The following AGBL4 variants were observed in gnomAD, a reference collection of about 807,000 sequenced individuals.
The protein encoded by AGBL4 is AGBL carboxypeptidase 4, also known as cytosolic carboxypeptidase 6.
A neutral mutation model predicts 66.4 loss-of-function variants in AGBL4; 58 were observed. That is an observed-to-expected ratio of 0.87 (90% confidence interval 0.71 to 1.09). The LOEUF (loss-of-function observed/expected upper bound fraction) is 1.09. AGBL4 is among the 50% of genes least tolerant of loss of function. AGBL4 has a pLI of 0.00. For missense variants in AGBL4, 579 were observed against 631.0 expected (o/e 0.92, Z 0.88); for synonymous variants, 234 against 222.9 (o/e 1.05, Z -0.44).
intron 3 of AGBL4, among the ~76,000 whole-genome samples, chr1:49,405,474 G>A (rs1415276027): frequency 1.3e-5 from 2 of 152,110 alleles, no homozygotes; most frequent in Non-Finnish European, 2.9e-5. Flanking sequence ...CTCATGATAA[G>A]TATTCAATAT....
intron 3 of AGBL4, among the ~76,000 whole-genome samples, chr1:49,648,669 T>G (rs2124437274): frequency 6.6e-6 from 1 of 151,986 alleles, no homozygotes; most frequent in African/African-American, 2.4e-5. Flanking sequence ...TACAACCAAC[T>G]TCTCTCCAGA....
At position 48,592,182 on chromosome 1, in the gene AGBL4, C is replaced by T. The variant is rs185077449; in HGVS notation, c.952-1197G>A. Among the ~76,000 whole-genome samples the T allele has an allele frequency of 2.7e-3, 406 of 152,308 alleles. 1 individual carries two copies. The highest frequency in any genetic ancestry group is 6.8e-3 in the Middle Eastern group (2 of 294). On this transcript the variant is annotated intron_variant, in intron 9 of 13. Transcript: ENST00000371839. Reference sequence around the variant, plus strand: ...GAATAACGGGGACTGACACTCAGGCCTCCTGCCCCCTTGCACAATTAACTT... The same window carrying T: ...GAATAACGGGGACTGACACTCAGGCTTCCTGCCCCCTTGCACAATTAACTT...
At chr1:49,068,156 C>A (rs1186651815) in intron 4 of AGBL4, among the ~76,000 whole-genome samples, 2 of 152,120 alleles carry the variant, frequency 1.3e-5, no homozygotes, top group Non-Finnish European at 2.9e-5. Context: ...AGACTAGTAG[C>A]AATGATTTTT....
chr1:49,042,645 G>A (rs761999052), intron 5 of AGBL4, among the ~76,000 whole-genome samples: 11 of 152,118 alleles, frequency 7.2e-5, no homozygotes, highest in Non-Finnish European at 1.3e-4. Context: ...ACATCCCAAG[G>A]ATGACAGAGA....
At chr1:49,344,961 G>A (rs943266123) in intron 3 of AGBL4, among the ~76,000 whole-genome samples, 1 of 152,010 alleles carries the variant, frequency 6.6e-6, no homozygotes, top group African/African-American at 2.4e-5. Context: ...TGGTGATCTG[G>A]GATTCTCTTT....
intron 8 of AGBL4, among the ~76,000 whole-genome samples, chr1:48,646,807 C>T (rs1487527705): frequency 6.6e-6 from 1 of 152,068 alleles, no homozygotes; most frequent in African/African-American, 2.4e-5. Context: ...GTGCTTCAAC[C>T]TCCCCCTCTA....
chr1:49,105,225 G>A (rs1235439883), intron 4 of AGBL4, among the ~76,000 whole-genome samples: 1 of 152,176 alleles, frequency 6.6e-6, no homozygotes, highest in African/African-American at 2.4e-5. Flanking sequence ...GATAGAGAGG[G>A]CGCAGTGAAA....
chr1:48,622,816 AT>A (rs895532084), intron 9 of AGBL4, among the ~76,000 whole-genome samples: 2 of 152,130 alleles, frequency 1.3e-5, no homozygotes, highest in African/African-American at 2.4e-5. Flanking sequence ...TAATAGTTAA[AT>A]TTTTTTGAGA....
rs1248097520 is a variant in AGBL4, at chr1:49,245,789, A to G, written c.358T>C (p.Ser120Pro). 3 of 1,549,494 alleles carry G rather than the reference A, an allele frequency of 1.9e-6. No individual in the cohort carries two copies. Among genetic ancestry groups the G allele is most frequent in the Non-Finnish European group, 2.6e-6 (3 of 1,145,490 alleles). ...ACTTACCATTTTGGTCTGCTGGTAG[A>G]TTTCACCATAGGGGCCATCCCATCT... Reference protein sequence around the residue: ...YRDGMAPMVKSTSRPKWQRLP... With the variant: ...YRDGMAPMVKPTSRPKWQRLP... The change falls in exon 4 of 14, where the codon TCT (serine) becomes CCT (proline). Residue 120 changes from serine to proline, a missense_variant. Transcript: ENST00000371839.
At chr1:49,905,262 G>T (rs1212814191) in intron 1 of AGBL4, among the ~76,000 whole-genome samples, 5 of 152,084 alleles carry the variant, frequency 3.3e-5, no homozygotes, top group African/African-American at 1.2e-4. Context: ...GTTGTTTGGG[G>T]CCTTGACATG....
chr1:49,537,486 G>A (rs887891495), intron 3 of AGBL4, among the ~76,000 whole-genome samples: 1 of 152,064 alleles, frequency 6.6e-6, no homozygotes, highest in African/African-American at 2.4e-5. Context: ...AGTGGGAAAG[G>A]GACACGAATA....
intron 5 of AGBL4, among the ~76,000 whole-genome samples, chr1:48,988,613 T>A (rs1660363974): frequency 6.6e-6 from 1 of 152,200 alleles, no homozygotes; most frequent in Non-Finnish European, 1.5e-5. Context: ...GCTACCAACC[T>A]GTTGGTCAAT....
At chr1:49,135,634 G>C (rs1232780962) in intron 4 of AGBL4, among the ~76,000 whole-genome samples, 1 of 152,196 alleles carries the variant, frequency 6.6e-6, no homozygotes, top group African/African-American at 2.4e-5. Flanking sequence ...TAAAGGAATA[G>C]GTTGGGCTAG....
chr1:49,714,808 G>A (rs970213924), intron 2 of AGBL4, among the ~76,000 whole-genome samples: 1 of 151,634 alleles, frequency 6.6e-6, no homozygotes, highest in South Asian at 2.1e-4. Context: ...GGGATTACTA[G>A]ATTCAGTGGT....
chr1:49,163,068 G>T (rs1646568191), intron 4 of AGBL4, among the ~76,000 whole-genome samples: 1 of 152,098 alleles, frequency 6.6e-6, no homozygotes. Flanking sequence ...TCTTAATGGA[G>T]CTCTTCAGCA....
At chr1:48,705,450 G>T (rs2148511318) in intron 6 of AGBL4, among the ~76,000 whole-genome samples, 1 of 152,298 alleles carries the variant, frequency 6.6e-6, no homozygotes, top group South Asian at 2.1e-4. Flanking sequence ...TACTTGCCAT[G>T]TGTATTGCAT....
chr1:50,017,405 T>G (rs1420047357), intron 1 of AGBL4: 3 of 152,114 alleles, frequency 2.0e-5, no homozygotes, highest in African/African-American at 7.2e-5. Context: ...TCAATAAACA[T>G]GAACATCCGC....
At chr1:48,710,404 T>A (rs909330166) in intron 6 of AGBL4, among the ~76,000 whole-genome samples, 1 of 152,144 alleles carries the variant, frequency 6.6e-6, no homozygotes, top group Non-Finnish European at 1.5e-5. Context: ...GTGGGAACTG[T>A]CTGGGGCTGC....
At chr1:48,706,092 G>T (rs975663165) in intron 6 of AGBL4, among the ~76,000 whole-genome samples, 2 of 152,018 alleles carry the variant, frequency 1.3e-5, no homozygotes, top group African/African-American at 4.8e-5. Context: ...TTAACTCCAG[G>T]GTAAACAAAG....
Sources: gnomAD v4.1 joint callset for allele counts (sites outside exome capture counted in the v4.1 genomes callset) on GRCh38, gnomAD v4.1.1 for gene constraint, MANE v1.5 for transcripts, NCBI Gene and HGNC (gene_info 2026-07-23, HGNC 2026-07-21) for gene names.